Variants in GRM5 observed in about 807,000 individuals in gnomAD.
GRM5 encodes the protein metabotropic glutamate receptor 5.
GRM5 carries 19 observed loss-of-function variants against 83.1 expected under a neutral mutation model. That is an observed-to-expected ratio of 0.23 (90% CI 0.16 to 0.34). GRM5 has a LOEUF of 0.34. GRM5 is among the 10% of genes least tolerant of loss of function. GRM5 has a pLI of 1.00. For missense variants in GRM5, 1,160 were observed against 1,588.3 expected (o/e 0.73, Z 4.58); for synonymous variants, 675 against 633.6 (o/e 1.07, Z -0.98).
At chr11:88,859,191 TAA>T (rs1295286532) in intron 2 of GRM5, among the ~76,000 whole-genome samples, 1 of 151,830 alleles carries the variant, frequency 6.6e-6, no homozygotes, top group African/African-American at 2.4e-5. Context: ...TGAATGGGAG[TAA>T]AAAAAGTGAA....
intron 3 of GRM5, among the ~76,000 whole-genome samples, chr11:88,808,236 T>G (rs185647816): frequency 7.2e-4 from 109 of 152,122 alleles, no homozygotes; most frequent in African/African-American, 2.5e-3. Flanking sequence ...AATATAAGTT[T>G]TGAAATGACT....
chr11:88,754,893 G>GTGCTCTGCTCA (rs1304476258), intron 3 of GRM5, among the ~76,000 whole-genome samples: 1 of 152,094 alleles, frequency 6.6e-6, no homozygotes, highest in African/African-American at 2.4e-5. Context: ...CTCTGCCCAA[G>GTGCTCTGCTCA]TGCTCCTAAA....
chr11:88,959,282 A>T (rs1006073567), intron 2 of GRM5, among the ~76,000 whole-genome samples: 101 of 152,150 alleles, frequency 6.6e-4, no homozygotes, highest in African/African-American at 2.3e-3. Flanking sequence ...AAAAATAAAA[A>T]CTGTGATGTC....
chr11:89,019,834 C>A (rs1460307389), intron 2 of GRM5, among the ~76,000 whole-genome samples: 12 of 152,168 alleles, frequency 7.9e-5, no homozygotes, highest in African/African-American at 2.9e-4. Context: ...AAATCAGACA[C>A]CTTTGGTTTA....
At chr11:88,654,125 A>G (rs1206047920) in intron 3 of GRM5, among the ~76,000 whole-genome samples, 1 of 152,134 alleles carries the variant, frequency 6.6e-6, no homozygotes, top group Non-Finnish European at 1.5e-5. Flanking sequence ...TGAAGGGATC[A>G]TACTCCTCAA....
intron 3 of GRM5, among the ~76,000 whole-genome samples, chr11:88,671,107 T>C (rs1423921394): frequency 6.6e-6 from 1 of 151,700 alleles, no homozygotes; most frequent in Admixed American, 6.6e-5. Flanking sequence ...GCTTAGTGGG[T>C]AAGGTCAGCA....
At chr11:88,571,109 C>T (rs1239339961) in intron 7 of GRM5, among the ~76,000 whole-genome samples, 8 of 152,114 alleles carry the variant, frequency 5.3e-5, no homozygotes, top group Non-Finnish European at 8.8e-5. Flanking sequence ...TACTGTTCTG[C>T]TAAATCTTAA....
intron 2 of GRM5, among the ~76,000 whole-genome samples, chr11:88,889,213 G>T (rs4488200): frequency 0.11 from 16,709 of 152,064 alleles, 1,475 homozygotes; most frequent in African/African-American, 0.22. Flanking sequence ...CTAGTTTCTT[G>T]GTCTAGTACC....
chr11:88,867,542 GTC>G (rs2135557819), intron 2 of GRM5, among the ~76,000 whole-genome samples: 1 of 151,766 alleles, frequency 6.6e-6, no homozygotes, highest in South Asian at 2.1e-4. Flanking sequence ...GCCAAACTGT[GTC>G]TTATAGAAAA....
intron 2 of GRM5, among the ~76,000 whole-genome samples, chr11:88,969,630 A>G (rs1939105806): frequency 6.6e-6 from 1 of 152,164 alleles, no homozygotes; most frequent in Non-Finnish European, 1.5e-5. Context: ...TCATGTTAAT[A>G]GCTCCATCAA....
chr11:88,772,997 T>C (rs1054904630), intron 3 of GRM5, among the ~76,000 whole-genome samples: 4 of 152,216 alleles, frequency 2.6e-5, no homozygotes, highest in Non-Finnish European at 5.9e-5. Flanking sequence ...ATGATAACTC[T>C]AGTTCTAGAT....
chr11:88,610,999 T>C (rs1938297336), intron 4 of GRM5, among the ~76,000 whole-genome samples: 1 of 152,156 alleles, frequency 6.6e-6, no homozygotes, highest in Admixed American at 6.5e-5. Context: ...GTTACTTCTG[T>C]TGATGTGGTA....
At chr11:88,831,971 C>T (rs1441926726) in intron 3 of GRM5, among the ~76,000 whole-genome samples, 1 of 152,142 alleles carries the variant, frequency 6.6e-6, no homozygotes, top group Non-Finnish European at 1.5e-5. Context: ...GCACATTTAG[C>T]CTGCCATTGC....
At chr11:88,605,787 A>T (rs1283005430) in intron 4 of GRM5, among the ~76,000 whole-genome samples, 1 of 152,206 alleles carries the variant, frequency 6.6e-6, no homozygotes, top group Non-Finnish European at 1.5e-5. Context: ...AACTAAAGGA[A>T]CTAAAATTTG....
In GRM5 at chr11:89,001,141, T is replaced by G. The variant is rs1940363993; in HGVS notation, c.661+46071A>C. Among the ~76,000 whole-genome samples the G allele has an allele frequency of 2.6e-5, 4 of 152,080 alleles. No homozygotes were observed. In the South Asian group the frequency reaches 8.3e-4, roughly 32 times the overall value. On this transcript the variant is annotated intron_variant, in intron 2 of 9. Coordinates refer to ENST00000305447, the MANE Select transcript of GRM5 (RefSeq NM_001143831.3). ...TTTTACATAACTCCAGGAGACAATG[T>G]TAAGGTTTCTTGGTGGAAAAAAAAA...
intron 1 of GRM5, among the ~76,000 whole-genome samples, chr11:89,060,835 A>G (rs1941977070): frequency 6.6e-6 from 1 of 152,152 alleles, no homozygotes; most frequent in South Asian, 2.1e-4. Context: ...AAAACTAAAA[A>G]TTGAAGTTTC....
chr11:88,637,452 T>C (rs1238383090), intron 4 of GRM5, among the ~76,000 whole-genome samples: 1 of 151,804 alleles, frequency 6.6e-6, no homozygotes, highest in Non-Finnish European at 1.5e-5. Context: ...TCAAACAAAT[T>C]TACAAGGAAA....
intron 7 of GRM5, among the ~76,000 whole-genome samples, chr11:88,582,962 T>C (rs1337120135): frequency 1.3e-5 from 2 of 152,264 alleles, no homozygotes; most frequent in East Asian, 1.9e-4. Context: ...TGTCCATGTA[T>C]AGAATGTTCC....
At chr11:88,611,184 G>A (rs1356573117) in intron 4 of GRM5, among the ~76,000 whole-genome samples, 1 of 152,016 alleles carries the variant, frequency 6.6e-6, no homozygotes, top group Non-Finnish European at 1.5e-5. Context: ...TTCTTTTATT[G>A]TTGTGTCTCT....
Sources: allele counts gnomAD v4.1 joint callset (sites outside exome capture counted in the v4.1 genomes callset), GRCh38; gene constraint gnomAD v4.1.1; transcripts MANE v1.5; gene names NCBI Gene and HGNC (gene_info 2026-07-23, HGNC 2026-07-21).